Variants in C2orf74 observed in about 807,000 individuals in gnomAD.
C2orf74 encodes the protein DPM1 ER membrane anchor 1, also known as uncharacterized protein C2orf74.
C2orf74 carries 14 observed loss-of-function variants against 17.9 expected under a neutral mutation model. The observed-to-expected ratio is 0.78, with a 90% CI of 0.52 to 1.22. The LOEUF is 1.22. Ranked by LOEUF, C2orf74 falls within the 50% of genes most tolerant of loss-of-function variation. The pLI, the probability that C2orf74 is intolerant of heterozygous loss-of-function variation, is 0.00. For synonymous variants in C2orf74, 79 were observed against 72.6 expected (o/e 1.09, Z -0.44); for missense variants, 217 against 218.4 (o/e 0.99, Z 0.04).
chr2:61,157,778 A>G (rs1019667075), upstream of C2orf74: 10 of 434,258 alleles, frequency 2.3e-5, no homozygotes, highest in African/African-American at 2.0e-4. Flanking sequence ...CACTGCCCCT[A>G]GTTTCCAAAT....
upstream of C2orf74, chr2:61,159,496 A>C (rs550614354): frequency 5.7e-6 from 1 of 174,198 alleles, no homozygotes; most frequent in African/African-American, 2.4e-5. Context: ...GGGTTTCGCC[A>C]TGATGGCCAG....
chr2:61,162,566 C>G lies in C2orf74; in HGVS notation c.52C>G (p.Leu18Val), dbSNP rs1685593256. The G allele has an allele frequency of 6.4e-7, 1 of 1,551,402 alleles. No homozygotes were observed. The highest frequency in any genetic ancestry group is 1.4e-5 in the African/African-American group (1 of 73,020). ...ITFFIILLIC[L>V]ICILLLLVVF... Reference sequence around the variant, plus strand: ...TTTCTTCATCATCCTTCTAATTTGCCTCATTTGCATCCTCCTCTTATTGGT... The same window carrying G: ...TTTCTTCATCATCCTTCTAATTTGCGTCATTTGCATCCTCCTCTTATTGGT... The change falls in exon 2 of 5, where the codon CTC (leucine) becomes GTC (valine). Residue 18 changes from leucine to valine, a missense_variant. Coordinates refer to ENST00000432605, the MANE Select transcript of C2orf74 (RefSeq NM_001143959.4).
intron 1 of C2orf74, among the ~76,000 whole-genome samples, chr2:61,153,015 TGTA>T (rs1471134901): frequency 7.2e-6 from 1 of 139,346 alleles, no homozygotes; most frequent in Non-Finnish European, 1.6e-5. Context: ...AGCCGGGCGT[TGTA>T]GTGCATGCCT....
At chr2:61,149,534 T>C (rs1219643492) in intron 1 of C2orf74, among the ~76,000 whole-genome samples, 1 of 151,906 alleles carries the variant, frequency 6.6e-6, no homozygotes, top group Non-Finnish European at 1.5e-5. Flanking sequence ...CGCTGTGGAC[T>C]TTCTGGGCCA....
At chr2:61,157,668 T>C (rs913259151), upstream of C2orf74, among the ~76,000 whole-genome samples, 6 of 152,228 alleles carry the variant, frequency 3.9e-5, no homozygotes, top group Non-Finnish European at 8.8e-5. Context: ...TGGAAGTTCC[T>C]GCAAATATCT....
At chr2:61,163,415 C>T (rs1450036744) in intron 4 of C2orf74, among the ~76,000 whole-genome samples, 183 bp downstream of exon 4, 2 of 151,842 alleles carry the variant, frequency 1.3e-5, no homozygotes, top group African/African-American at 4.8e-5. Context: ...ACCAGCCTGG[C>T]CAACATGGTG....
intron 4 of C2orf74, among the ~76,000 whole-genome samples, chr2:61,163,775 C>G (rs1685646325): frequency 1.3e-5 from 2 of 152,032 alleles, no homozygotes; most frequent in South Asian, 4.1e-4. Flanking sequence ...CTTGCTTAGT[C>G]TTCATTCTTA....
intron 1 of C2orf74, among the ~76,000 whole-genome samples, chr2:61,150,090 C>T (rs950937384): frequency 6.6e-6 from 1 of 152,130 alleles, no homozygotes; most frequent in African/African-American, 2.4e-5. Context: ...AATACTATAG[C>T]AAGTCATGGA....
intron 1 of C2orf74, among the ~76,000 whole-genome samples, chr2:61,147,073 G>GT (rs1273789010): frequency 2.0e-5 from 3 of 151,886 alleles, no homozygotes; most frequent in Non-Finnish European, 4.4e-5. Flanking sequence ...GGAGGCTGAG[G>GT]TGGGGGGATC....
intron 1 of C2orf74, among the ~76,000 whole-genome samples, chr2:61,155,966 A>G (rs1685379830): frequency 6.6e-6 from 1 of 152,252 alleles, no homozygotes; most frequent in East Asian, 1.9e-4. Context: ...TAGGAGGCCA[A>G]GTGGAAGGAC....
intron 1 of C2orf74, among the ~76,000 whole-genome samples, chr2:61,152,311 G>T (rs984624895): frequency 1.3e-5 from 2 of 152,078 alleles, no homozygotes; most frequent in Non-Finnish European, 2.9e-5. Context: ...GGAGGCCGAG[G>T]CGGGCAGATC....
intron 1 of C2orf74, among the ~76,000 whole-genome samples, chr2:61,145,948 A>C (rs1685057484): frequency 6.6e-6 from 1 of 152,246 alleles, no homozygotes. Flanking sequence ...GCAGTGTTAC[A>C]GTGCTAGTAG....
At chr2:61,149,102 G>C (rs570612979) in intron 1 of C2orf74, among the ~76,000 whole-genome samples, 1 of 152,288 alleles carries the variant, frequency 6.6e-6, no homozygotes, top group Non-Finnish European at 1.5e-5. Context: ...TCAAGGGCAA[G>C]GTGAAATTCA....
rs1231408466 is a variant in C2orf74 at position 61,163,269 on chromosome 2, ATTTG to A, written c.390+42_390+45del. The A allele has an allele frequency of 3.9e-6, 6 of 1,531,680 alleles. No individual in the cohort carries two copies. The African/African-American group carries it at 8.3e-5, about 21-fold the overall frequency. The allele number at this position is 1,531,680 out of a possible 1,614,324, so 94.9% of individuals were successfully genotyped here. On this transcript the variant is annotated intron_variant, in intron 4 of 4. Transcript: ENST00000432605. Reference sequence around the variant, plus strand: ...TTCTACTCTCAAAGAGCAGTTTAGAATTTGTTTGATTGAAAATAAGGTACATTCC... The same window carrying A: ...TTCTACTCTCAAAGAGCAGTTTAGAATTTGATTGAAAATAAGGTACATTCC...
Position 61,163,036 on chromosome 2 carries a change from C to A in C2orf74, c.210-16C>A, listed in dbSNP as rs1685613640. The A allele has an allele frequency of 2.6e-6, 4 of 1,552,100 alleles. No individual in the cohort carries two copies. The East Asian group carries it at 9.7e-5, about 38-fold the overall frequency. Reference sequence around the variant, plus strand: ...GGATGCATGAATGTTTAAAACTCTACCGATTAATTTTCTAGGATCTTAATG... The same window carrying A: ...GGATGCATGAATGTTTAAAACTCTAACGATTAATTTTCTAGGATCTTAATG... On this transcript the variant is annotated splice_polypyrimidine_tract_variant and intron_variant, in intron 3 of 4. Transcript: ENST00000432605.
chr2:61,157,883 T>C (rs967372278), upstream of C2orf74: 9 of 471,090 alleles, frequency 1.9e-5, no homozygotes, highest in African/African-American at 4.0e-5. Context: ...ATCACATGGA[T>C]CAAGGCCTTA....
intron 1 of C2orf74, chr2:61,151,521 T>C (rs187256251): frequency 6.6e-6 from 1 of 151,840 alleles, no homozygotes; most frequent in East Asian, 1.9e-4. Context: ...AAGATGTTAG[T>C]CTAAAGTAAT....
chr2:61,151,133 T>C (rs1156761756), intron 1 of C2orf74, among the ~76,000 whole-genome samples: 3 of 151,762 alleles, frequency 2.0e-5, no homozygotes, highest in East Asian at 3.9e-4. Context: ...CTGGCCAAGA[T>C]GGTGAAACCC....
In C2orf74 at chr2:61,163,148, CAG is replaced by C. The variant is rs1197182377; in HGVS notation, c.308_309del (p.Arg103LysfsTer13). 1.2e-5 allele frequency: 18 copies of C among 1,552,234 alleles called. No individual in the cohort carries two copies. Among genetic ancestry groups the C allele is most frequent in the Non-Finnish European group, 1.6e-5 (18 of 1,147,084 alleles). Reference sequence around the variant, plus strand: ...AAGTGTTGGCCACACCCTTAGAAAACAGAAGGGACATGGAGGCAGAAGAGGAG... The same window carrying C: ...AAGTGTTGGCCACACCCTTAGAAAACAAGGGACATGGAGGCAGAAGAGGAG... Reference protein sequence around the residue: ...KEVLATPLENRRDMEAEEENQ... With the variant: ...KEVLATPLENXRDMEAEEENQ... On this transcript the variant is annotated frameshift_variant, in exon 4 of 5. Transcript: ENST00000432605. LOFTEE classifies it high-confidence loss of function.
Sources: gnomAD v4.1 joint callset for allele counts (sites outside exome capture counted in the v4.1 genomes callset) on GRCh38, gnomAD v4.1.1 for gene constraint, MANE v1.5 for transcripts, NCBI Gene and HGNC (gene_info 2026-07-23, HGNC 2026-07-21) for gene names.